Variants in ZBTB7C observed in about 807,000 individuals in gnomAD.
The protein encoded by ZBTB7C is zinc finger and BTB domain-containing protein 7C.
ZBTB7C carries 8 observed loss-of-function variants against 25.7 expected under a neutral mutation model. That is an observed-to-expected ratio of 0.31 (90% CI 0.18 to 0.56). The LOEUF is 0.56. Among genes scored for constraint, ZBTB7C ranks in the 20% least tolerant of loss-of-function variants. ZBTB7C has a pLI of 0.91. For missense variants in ZBTB7C, 824 were observed against 855.2 expected (o/e 0.96, Z 0.46); for synonymous variants, 394 against 369.0 (o/e 1.07, Z -0.78).
At chr18:48,244,847 A>G (rs1003620128) in intron 2 of ZBTB7C, among the ~76,000 whole-genome samples, 1 of 152,102 alleles carries the variant, frequency 6.6e-6, no homozygotes, top group Non-Finnish European at 1.5e-5. Flanking sequence ...GTGGGAATGT[A>G]AACTATTAAT....
At position 48,308,764 on chromosome 18, in the gene ZBTB7C, T is replaced by C. The variant is rs571112185; in HGVS notation, c.-79+29410A>G. On this transcript the variant is annotated intron_variant, in intron 2 of 4. Coordinates refer to ENST00000590800, the MANE Select transcript of ZBTB7C (RefSeq NM_001318841.2). ...TAGGCCAGTGGTTCTTAAATTATGG[T>C]CTCAGGACCAGCAGCATCAGCATCA... Among the ~76,000 whole-genome samples the C allele has an allele frequency of 4.6e-5, 7 of 152,212 alleles. No individual in the cohort carries two copies. In the East Asian group the frequency reaches 1.4e-3, roughly 29 times the overall value.
chr18:48,394,188 G>A (rs2047967009), intron 1 of ZBTB7C, among the ~76,000 whole-genome samples: 1 of 152,118 alleles, frequency 6.6e-6, no homozygotes, highest in Admixed American at 6.5e-5. Context: ...TAAAATGCAG[G>A]TGTGTTGTAC....
rs140932945 is a variant in ZBTB7C, at chr18:48,240,264, TAA to T, written c.-78-54271_-78-54270del. Among the ~76,000 whole-genome samples, 710 of 152,248 alleles carry T rather than the reference TAA, an allele frequency of 4.7e-3. 3 individuals carry two copies. The highest frequency in any genetic ancestry group is 0.016 in the African/African-American group (660 of 41,572). The stretch of plus-strand genomic sequence containing the variant: ...GTGTTCCTGAGGAAGAAGAGAAATC[TAA>T]AAGTTTGGAAAGCTTATTTGAAGGA... On this transcript the variant is annotated intron_variant, in intron 2 of 4. Transcript: ENST00000590800.
intron 2 of ZBTB7C, among the ~76,000 whole-genome samples, chr18:48,286,418 T>C (rs2045055987): frequency 6.6e-6 from 1 of 152,096 alleles, no homozygotes; most frequent in Non-Finnish European, 1.5e-5. Context: ...ATCACATCAA[T>C]TGAAAGTGAG....
chr18:48,362,176 G>C (rs1414004897), intron 1 of ZBTB7C, among the ~76,000 whole-genome samples: 2 of 152,232 alleles, frequency 1.3e-5, no homozygotes, highest in Non-Finnish European at 2.9e-5. Flanking sequence ...CCCTGGGACA[G>C]AGCTATCTCA....
chr18:48,161,817 C>G (rs2041059008), intron 3 of ZBTB7C, among the ~76,000 whole-genome samples: 1 of 151,686 alleles, frequency 6.6e-6, no homozygotes, highest in South Asian at 2.1e-4. Context: ...CGGCCTCTCT[C>G]TCCTCCTGCG....
chr18:48,055,932 G>A (rs1467271820), intron 3 of ZBTB7C, among the ~76,000 whole-genome samples: 1 of 152,168 alleles, frequency 6.6e-6, no homozygotes, highest in Non-Finnish European at 1.5e-5. Flanking sequence ...GAGCTAGGAC[G>A]GGCTCAGGAA....
chr18:48,158,571 T>G (rs572971067), intron 3 of ZBTB7C, among the ~76,000 whole-genome samples: 39 of 152,154 alleles, frequency 2.6e-4, no homozygotes, highest in Admixed American at 2.0e-3. Context: ...ATCTGTGAGT[T>G]TGGAGGAAGC....
chr18:48,038,450 G>C (rs888921497), intron 4 of ZBTB7C, among the ~76,000 whole-genome samples: 16 of 152,018 alleles, frequency 1.1e-4, no homozygotes, highest in Admixed American at 8.5e-4. Context: ...AGCCACACCA[G>C]TGTCACCTGA....
chr18:48,388,917 C>T (rs1365598025), intron 1 of ZBTB7C, among the ~76,000 whole-genome samples: 2 of 152,092 alleles, frequency 1.3e-5, no homozygotes, highest in East Asian at 3.9e-4. Flanking sequence ...AAGTACAAAT[C>T]AGTTCTATGT....
intron 2 of ZBTB7C, among the ~76,000 whole-genome samples, chr18:48,302,469 G>T (rs909490258): frequency 6.6e-6 from 1 of 152,044 alleles, no homozygotes; most frequent in Non-Finnish European, 1.5e-5. Context: ...ATGCCCACAA[G>T]GCCTCATTTC....
chr18:48,051,714 T>G (rs915039904), intron 3 of ZBTB7C, among the ~76,000 whole-genome samples: 3 of 152,130 alleles, frequency 2.0e-5, no homozygotes, highest in Admixed American at 6.5e-5. Context: ...CGGGGCTGCC[T>G]GGCCTCAGTC....
chr18:48,128,445 G>A (rs924788889), intron 3 of ZBTB7C, among the ~76,000 whole-genome samples: 1 of 152,196 alleles, frequency 6.6e-6, no homozygotes, highest in Non-Finnish European at 1.5e-5. Flanking sequence ...TAAAGATATG[G>A]AACCAACCTA....
intron 3 of ZBTB7C, among the ~76,000 whole-genome samples, chr18:48,044,091 G>A (rs1037302663): frequency 6.6e-6 from 1 of 152,210 alleles, no homozygotes; most frequent in Non-Finnish European, 1.5e-5. Context: ...CCCTTGGTCT[G>A]AGGGGCCAGG....
chr18:48,185,236 C>A, intron 3 of ZBTB7C: 1 of 392,568 alleles, frequency 2.5e-6, no homozygotes, highest in Non-Finnish European at 5.0e-6. Flanking sequence ...CCAGTTCAAG[C>A]CTCTCCTTCT....
At chr18:48,396,549 G>A (rs138614510) in intron 1 of ZBTB7C, among the ~76,000 whole-genome samples, 140 of 152,302 alleles carry the variant, frequency 9.2e-4, no homozygotes, top group South Asian at 2.7e-3. Flanking sequence ...ATATTTAGTT[G>A]TAAGCTAGTA....
intron 3 of ZBTB7C, chr18:48,180,242 C>G: frequency 2.6e-6 from 1 of 388,788 alleles, no homozygotes; most frequent in Non-Finnish European, 5.2e-6. Context: ...CTCCTTCCTT[C>G]CTTCCATCCA....
chr18:48,388,387 G>T (rs941084033), intron 1 of ZBTB7C, among the ~76,000 whole-genome samples: 7 of 152,168 alleles, frequency 4.6e-5, no homozygotes. Context: ...TTAAGGTCAG[G>T]AATTATGTCC....
intron 2 of ZBTB7C, among the ~76,000 whole-genome samples, chr18:48,198,969 C>T (rs948499338): frequency 2.6e-5 from 4 of 152,228 alleles, no homozygotes; most frequent in African/African-American, 7.2e-5. Flanking sequence ...CTACCTGAAA[C>T]GACTTTATTC....
Sources: gnomAD v4.1 joint callset for allele counts (sites outside exome capture counted in the v4.1 genomes callset) on GRCh38, gnomAD v4.1.1 for gene constraint, MANE v1.5 for transcripts, NCBI Gene and HGNC (gene_info 2026-07-23, HGNC 2026-07-21) for gene names.